TBC1D15: variants seen among roughly 807,000 people sequenced by gnomAD.
TBC1D15 encodes the protein TBC1 domain family member 15.
A neutral mutation model predicts 95.4 loss-of-function variants in TBC1D15; 39 were observed. The ratio of observed to expected loss-of-function variants is 0.41; its 90% CI spans 0.32 to 0.53. The LOEUF (loss-of-function observed/expected upper bound fraction) is 0.53, where lower values mean the gene tolerates loss of function less well. Among genes scored for constraint, TBC1D15 ranks in the 20% least tolerant of loss-of-function variants. TBC1D15 has a pLI of 0.29. For synonymous variants in TBC1D15, 258 were observed against 261.3 expected (o/e 0.99, Z 0.12); for missense variants, 733 against 794.3 (o/e 0.92, Z 0.93).
chr12:71,877,254 CT>C (rs552100946), intron 3 of TBC1D15, among the ~76,000 whole-genome samples: 324 of 129,088 alleles, frequency 2.5e-3, no homozygotes, highest in African/African-American at 9.1e-3. Flanking sequence ...TAATTATTGT[CT>C]TTTTGTTTCT....
intron 13 of TBC1D15, 136 bp from the exon 14 acceptor site, chr12:71,918,315 G>T: frequency 1.9e-6 from 1 of 527,298 alleles, no homozygotes; most frequent in Admixed American, 3.4e-5. Flanking sequence ...AGTTTGAAAT[G>T]ATTCCTTAAC....
chr12:71,880,261 C>T lies in TBC1D15; in HGVS notation c.205-208C>T, dbSNP rs147894272. Among the ~76,000 whole-genome samples, 436 of 149,358 alleles carry T rather than the reference C, an allele frequency of 2.9e-3. 5 individuals carry two copies. The highest frequency in any genetic ancestry group is 0.01 in the African/African-American group (417 of 40,732). ...GCTTATATTTCATTGGCAACTCTGA[C>T]TGCAGGGGAGTCTAGTCAAGCTTCT... On this transcript the variant is annotated intron_variant, in intron 3 of 16. Transcript: ENST00000485960.
intron 3 of TBC1D15, among the ~76,000 whole-genome samples, chr12:71,874,184 C>A (rs58184114): frequency 0.027 from 4,186 of 152,244 alleles, 195 homozygotes; most frequent in African/African-American, 0.094. Flanking sequence ...GCAAACACCG[C>A]AATTACTTTT....
intron 1 of TBC1D15, among the ~76,000 whole-genome samples, chr12:71,856,348 A>G (rs1003778624): frequency 6.6e-6 from 1 of 152,150 alleles, no homozygotes; most frequent in Non-Finnish European, 1.5e-5. Context: ...TGTATCCCTA[A>G]GGTAACAGTC....
chr12:71,906,403 C>T (rs1346218317), intron 10 of TBC1D15, among the ~76,000 whole-genome samples: 1 of 152,116 alleles, frequency 6.6e-6, no homozygotes, highest in Non-Finnish European at 1.5e-5. Context: ...ATTGAATTGT[C>T]GGTGCAACTT....
chr12:71,920,270 T>C (rs1451995872), intron 14 of TBC1D15, among the ~76,000 whole-genome samples: 2 of 152,216 alleles, frequency 1.3e-5, no homozygotes, highest in Non-Finnish European at 2.9e-5. Context: ...GTATTTAGAA[T>C]GTAGAGCTAC....
chr12:71,877,205 TG>T (rs772222749), intron 3 of TBC1D15, among the ~76,000 whole-genome samples: 29 of 128,448 alleles, frequency 2.3e-4, no homozygotes, highest in Non-Finnish European at 3.3e-4. Flanking sequence ...TGTGTGTGTG[TG>T]TGTGTTTTTT....
intron 1 of TBC1D15, among the ~76,000 whole-genome samples, chr12:71,843,614 A>G (rs1885608864): frequency 6.6e-6 from 1 of 152,146 alleles, no homozygotes. Flanking sequence ...TTTGGATACA[A>G]GGGTGGTTAA....
At chr12:71,904,575 T>G (rs1900214570) in intron 10 of TBC1D15, among the ~76,000 whole-genome samples, 2 of 152,140 alleles carry the variant, frequency 1.3e-5, no homozygotes, top group African/African-American at 4.8e-5. Context: ...AGATAGAAAT[T>G]ACTAGAGTCC....
At chr12:71,893,632 A>G (rs1394139343) in intron 6 of TBC1D15, among the ~76,000 whole-genome samples, 1 of 151,894 alleles carries the variant, frequency 6.6e-6, no homozygotes, top group East Asian at 1.9e-4. Flanking sequence ...TGATTAGGCC[A>G]GGGATCACAG....
At chr12:71,868,195 C>G (rs73351257) in intron 1 of TBC1D15, among the ~76,000 whole-genome samples, 4,149 of 150,298 alleles carry the variant, frequency 0.028, 192 homozygotes, top group African/African-American at 0.095. Flanking sequence ...TCAAAAAGGG[C>G]TGAAGAGTTG....
At chr12:71,872,858 T>C in intron 2 of TBC1D15, 71 bp from the exon 3 acceptor site, 1 of 1,116,288 alleles carries the variant, frequency 9.0e-7, no homozygotes, top group Admixed American at 2.4e-5. Flanking sequence ...TTATTTTGGG[T>C]TCAGGGAATA....
intron 1 of TBC1D15, among the ~76,000 whole-genome samples, chr12:71,858,202 A>G (rs1889550806): frequency 6.6e-6 from 1 of 151,876 alleles, no homozygotes; most frequent in South Asian, 2.1e-4. Flanking sequence ...CCTCCTGAGT[A>G]GCTGGAATTA....
rs1165229943 is a variant in TBC1D15, at chr12:71,856,272, T to C, written c.31-15798T>C. ...GGCTTGGGGGTCTTATATAGACTTT[T>C]AGTAATATCTCAGATATGGTCTGGG... is the stretch of plus-strand genomic sequence containing the variant. On this transcript the variant is annotated intron_variant, in intron 1 of 16. Transcript: ENST00000485960. Among the ~76,000 whole-genome samples the C allele has an allele frequency of 2.0e-5, 3 of 152,204 alleles. No individual in the cohort carries two copies. The East Asian group carries it at 5.8e-4, about 29-fold the overall frequency.
chr12:71,884,542 G>A (rs1895847353), intron 4 of TBC1D15, among the ~76,000 whole-genome samples: 1 of 152,098 alleles, frequency 6.6e-6, no homozygotes, highest in African/African-American at 2.4e-5. Flanking sequence ...TGCTTGCAAA[G>A]CCATGATCAG....
Position 71,907,013 on chromosome 12 carries a change from C to T in TBC1D15, c.1184-9C>T. 1.3e-6 allele frequency: 2 copies of T among 1,547,734 alleles called. No individual in the cohort carries two copies. The highest frequency in any genetic ancestry group is 8.8e-7 in the Non-Finnish European group (1 of 1,136,130). On this transcript the variant is annotated splice_polypyrimidine_tract_variant and intron_variant, in intron 10 of 16. Coordinates refer to ENST00000485960, the MANE Select transcript of TBC1D15 (RefSeq NM_001146213.3). ...AGCTTTTCAAATATGTGATGATTTT[C>T]CTCTTCAGAAAAAGATGTTAACAGA...
rs187169443 is a variant in TBC1D15, at chr12:71,918,594, G to T, written c.1599+46G>T. Reference sequence around the variant, plus strand: ...GCAAATGTGATATTTATTATGAAAAGAAACAATTTATTCTGTAGAGTGTAA... The same window carrying T: ...GCAAATGTGATATTTATTATGAAAATAAACAATTTATTCTGTAGAGTGTAA... On this transcript the variant is annotated intron_variant, in intron 14 of 16. Transcript: ENST00000485960. 20 of 1,252,528 alleles carry T rather than the reference G, an allele frequency of 1.6e-5. No homozygotes were observed. The Admixed American group carries it at 3.7e-4, about 23-fold the overall frequency. The allele number at this position is 1,252,528 out of a possible 1,614,324, so 77.6% of individuals were successfully genotyped here.
intron 1 of TBC1D15, among the ~76,000 whole-genome samples, chr12:71,858,365 C>A (rs1889591979): frequency 6.6e-6 from 1 of 152,112 alleles, no homozygotes; most frequent in African/African-American, 2.4e-5. Context: ...AGCCACCATG[C>A]CCGGCCACCA....
At position 71,917,781 on chromosome 12, in the gene TBC1D15, A is replaced by C. The variant is rs185180475; in HGVS notation, c.1485A>C (p.Gly495=). 6.2e-7 allele frequency: 1 copy of C among 1,611,668 alleles called. No individual in the cohort carries two copies. The highest frequency in any genetic ancestry group is 8.5e-7 in the Non-Finnish European group (1 of 1,178,274). Residue 495 remains glycine (G), a synonymous_variant, in exon 13 of 17, where the codon GGA becomes GGC. Transcript: ENST00000485960. The stretch of plus-strand genomic sequence containing the variant: ...CCTTACTTCGATTGTTAGACAGTGG[A>C]TTTTGCAGTTACTTAGGTAAGTTTA... ...LSTLLRLLDS[G]FCSYLESQDS... is the part of the protein sequence containing the mutation.
Sources: allele counts gnomAD v4.1 joint callset (sites outside exome capture counted in the v4.1 genomes callset), GRCh38; gene constraint gnomAD v4.1.1; transcripts MANE v1.5; gene names NCBI Gene and HGNC (gene_info 2026-07-23, HGNC 2026-07-21).